Variants in MAMSTR observed in about 807,000 individuals in gnomAD.
The protein encoded by MAMSTR is MEF2 activating motif and SAP domain containing transcriptional regulator, also known as MEF2-activating motif and SAP domain-containing transcriptional regulator.
MAMSTR carries 41 observed loss-of-function variants against 42.7 expected under a neutral mutation model. The ratio of observed to expected loss-of-function variants is 0.96; its 90% confidence interval spans 0.75 to 1.25. The LOEUF is 1.25. MAMSTR is among the 50% of genes most tolerant of loss of function. The pLI is 0.00. For missense variants in MAMSTR, 567 were observed against 557.6 expected (o/e 1.02, Z -0.17); for synonymous variants, 265 against 244.1 (o/e 1.09, Z -0.80).
rs765001875 is a variant in MAMSTR at position 48,713,268 on chromosome 19, C to G, written c.1247G>C (p.Ter416SerextTer11). 1 of 1,586,866 alleles carries G rather than the reference C, an allele frequency of 6.3e-7. No individual in the cohort carries two copies. Among genetic ancestry groups the G allele is most frequent in the African/African-American group, 1.4e-5 (1 of 72,956 alleles). ...RLWDLLEDPW[*>S] ...TGTCTCTGTAAATCCTAGAATCCAT[C>G]ACCATGGATCCTCCAGCAGGTCCCA... Residue 416 changes from the stop codon to serine, a stop_lost, in exon 10 of 10, where the codon TGA (stop) becomes TCA (serine). Transcript: ENST00000318083.
In MAMSTR at chr19:48,717,534, C is replaced by CT. The variant is rs34694985; in HGVS notation, c.59-792dup. On this transcript the variant is annotated intron_variant, in intron 2 of 9. Coordinates refer to ENST00000318083, the MANE Select transcript of MAMSTR (RefSeq NM_001130915.2). Reference sequence around the variant, plus strand: ...GTTGCCCAGGATGAATGTTAACTATCTTTTTTTTTTTTTTTTTTGAGACAA... The same window carrying CT: ...GTTGCCCAGGATGAATGTTAACTATCTTTTTTTTTTTTTTTTTTTGAGACAA... Among the ~76,000 whole-genome samples the CT allele has an allele frequency of 7.3e-3, 929 of 126,598 alleles. 8 individuals carry two copies. The highest frequency in any genetic ancestry group is 0.02 in the African/African-American group (668 of 34,178). 83.1% of individuals were successfully genotyped at this position (126,598 alleles called of 152,430 possible).
chr19:48,713,132 A>G lies in MAMSTR; in HGVS notation c.*135T>C, dbSNP rs2032782509. The G allele has an allele frequency of 1.3e-6, 1 of 791,574 alleles. No individual in the cohort carries two copies. Among genetic ancestry groups the G allele is most frequent in the Admixed American group, 3.4e-5 (1 of 29,688 alleles). The allele number at this position is 791,574 out of a possible 1,614,324, so 49.0% of individuals were successfully genotyped here. On this transcript the variant is annotated 3_prime_UTR_variant, in exon 10 of 10. Coordinates refer to ENST00000318083, the MANE Select transcript of MAMSTR (RefSeq NM_001130915.2). Reference sequence around the variant, plus strand: ...AGTTGCATGTCAGCAGCACTTCAGGAGGCAGGTGGGGTTGGAGGTTGTCTC... The same window carrying G: ...AGTTGCATGTCAGCAGCACTTCAGGGGGCAGGTGGGGTTGGAGGTTGTCTC...
chr19:48,714,527 C>G lies in MAMSTR; in HGVS notation c.562G>C (p.Gly188Arg), dbSNP rs1305683570. The change falls in exon 7 of 10, where the codon GGC (glycine) becomes CGC (arginine). Residue 188 changes from glycine (G) to arginine (R), a missense_variant. Physicochemically the swap from Gly to Arg is moderately radical, Grantham distance 125. Coordinates refer to ENST00000318083, the MANE Select transcript of MAMSTR (RefSeq NM_001130915.2). ...GACTTGGTCCCCGACACTGGGAGGCCCCGCAGGCGCAGCTGCTGCCGGAGC... is the reference window on the plus strand; with the variant it reads ...GACTTGGTCCCCGACACTGGGAGGCGCCGCAGGCGCAGCTGCTGCCGGAGC... ...SELRQQLRLR[G>R]LPVSGTKSML... 2 of 1,454,736 alleles carry G rather than the reference C, an allele frequency of 1.4e-6. No individual in the cohort carries two copies. The highest frequency in any genetic ancestry group is 1.8e-6 in the Non-Finnish European group (2 of 1,116,018). 90.1% of individuals were successfully genotyped at this position (1,454,736 alleles called of 1,614,324 possible).
chr19:48,715,545 G>T (rs969599234), intron 4 of MAMSTR, 80 bp downstream of exon 4: 18 of 1,483,064 alleles, frequency 1.2e-5, no homozygotes, highest in Non-Finnish European at 1.5e-5. Context: ...TGCCACCGAA[G>T]AGGAGCAAAA....
the MAMSTR span, among the ~76,000 whole-genome samples, chr19:48,706,264 A>G: frequency 8.3e-5 from 12 of 145,170 alleles, no homozygotes; most frequent in Non-Finnish European, 1.7e-4. Flanking sequence ...TCTAGCCTGG[A>G]CAACAGAGTG....
At chr19:48,710,271 A>ATT (rs148688671), downstream of MAMSTR, among the ~76,000 whole-genome samples, 335 of 144,918 alleles carry the variant, frequency 2.3e-3, 4 homozygotes, top group Middle Eastern at 3.7e-3. Context: ...CACCTGGCTA[A>ATT]TTATTTTTTT....
rs1601250900 is a variant in MAMSTR, at chr19:48,714,927, G to A, written c.426-19C>T. ...CTTCATCCTGGTGATAATCGTGAGG[G>A]GCGAACAAAGGTTAGAGAGGTAGAG... is the stretch of plus-strand genomic sequence containing the variant. On this transcript the variant is annotated intron_variant, in intron 5 of 9. Transcript: ENST00000318083. The A allele has an allele frequency of 6.6e-7, 1 of 1,519,956 alleles. No homozygotes were observed. 94.2% of individuals were successfully genotyped at this position (1,519,956 alleles called of 1,614,324 possible). A position where few individuals can be genotyped will look rare whatever the true frequency, so the allele number is the denominator to read the frequency against.
chr19:48,708,284 AAGG>A (rs906632023), downstream of MAMSTR, among the ~76,000 whole-genome samples: 3 of 150,214 alleles, frequency 2.0e-5, no homozygotes, highest in African/African-American at 4.9e-5. Context: ...AAAAGAGAGG[AAGG>A]AGGAGGAGAA....
At chr19:48,706,773 C>G in the MAMSTR span, among the ~76,000 whole-genome samples, 2 of 152,112 alleles carry the variant, frequency 1.3e-5, no homozygotes, top group Middle Eastern at 6.8e-3. Context: ...TCCCTGCTCT[C>G]AAGACGGCAT....
chr19:48,705,822 G>A, the MAMSTR span: 1 of 166,274 alleles, frequency 6.0e-6, no homozygotes, highest in African/African-American at 2.4e-5. Flanking sequence ...GATGCCAGGA[G>A]TTAGGGAATA....
At position 48,713,851 on chromosome 19, in the gene MAMSTR, C is replaced by T. The variant is rs768253167; in HGVS notation, c.909+9G>A. Reference sequence around the variant, plus strand: ...GAACCCTAGCCGGATTCAACCCACACCCTCTTACCTGCGCCCTCCGGATCG... The same window carrying T: ...GAACCCTAGCCGGATTCAACCCACATCCTCTTACCTGCGCCCTCCGGATCG... On this transcript the variant is annotated intron_variant, in intron 8 of 9. Coordinates refer to ENST00000318083, the MANE Select transcript of MAMSTR (RefSeq NM_001130915.2). 1.9e-6 allele frequency: 3 copies of T among 1,613,948 alleles called. No individual in the cohort carries two copies. In the African/African-American group the frequency reaches 4.0e-5, roughly 22 times the overall value.
intron 2 of MAMSTR, among the ~76,000 whole-genome samples, 190 bp downstream of exon 2, chr19:48,718,784 A>C (rs2033146686): frequency 6.6e-6 from 1 of 151,988 alleles, no homozygotes; most frequent in African/African-American, 2.4e-5. Context: ...CCCCGTGAGC[A>C]TGCTACTAGC....
At chr19:48,711,031 G>A (rs2032716341), downstream of MAMSTR, among the ~76,000 whole-genome samples, 2 of 152,140 alleles carry the variant, frequency 1.3e-5, no homozygotes, top group Non-Finnish European at 1.5e-5. Flanking sequence ...ACTAGGGGTG[G>A]TATAGTGGCA....
chr19:48,716,847 T>C, intron 2 of MAMSTR, 104 bp from the exon 3 acceptor site: 13 of 1,251,098 alleles, frequency 1.0e-5, no homozygotes, highest in Non-Finnish European at 1.3e-5. Flanking sequence ...GGGATATGCG[T>C]GCCCAGCCCC....
In MAMSTR at chr19:48,715,706, C is replaced by T. The variant is rs1479345961; in HGVS notation, c.159G>A (p.Ser53=). The change falls in exon 4 of 10, where the codon TCG becomes TCA. Residue 53 remains serine, a synonymous_variant. Transcript: ENST00000318083. The stretch of plus-strand genomic sequence containing the variant: ...GGCTGAAGAGGAAAGGGGCCGTGCC[C>T]GAGGGCAAGGCCGGGGCCAGAGGAG... ...SDPPLAPALP[S]GTAPFLFSPG... The T allele has an allele frequency of 1.2e-5, 19 of 1,539,330 alleles. No individual in the cohort carries two copies. Among genetic ancestry groups the T allele is most frequent in the African/African-American group, 1.4e-5 (1 of 71,900 alleles).
chr19:48,718,547 C>A (rs1475891201), intron 2 of MAMSTR, among the ~76,000 whole-genome samples: 1 of 152,068 alleles, frequency 6.6e-6, no homozygotes, highest in Non-Finnish European at 1.5e-5. Flanking sequence ...GCCACCACAC[C>A]CGGCTATACT....
chr19:48,717,179 T>G (rs570031030), intron 2 of MAMSTR, among the ~76,000 whole-genome samples: 2 of 152,300 alleles, frequency 1.3e-5, no homozygotes, highest in African/African-American at 4.8e-5. Context: ...TATCCACATT[T>G]TCAGTATGCA....
In MAMSTR at chr19:48,719,402, AG is replaced by A. The variant is rs2033169374; in HGVS notation, c.-22+276del. ...TGGGACCCCTGTGTCTAGGAAAGGG[AG>A]GAAGCAGAGGGGCCTGGAGTCTGGA... On this transcript the variant is annotated intron_variant, in intron 1 of 9. Coordinates refer to ENST00000318083, the MANE Select transcript of MAMSTR (RefSeq NM_001130915.2). This position sits in a 1 kb window ranked among gnomAD's most constrained non-coding sequence, Gnocchi z 4.4. Among the ~76,000 whole-genome samples, 1 of 152,034 alleles carries A rather than the reference AG, an allele frequency of 6.6e-6. No individual in the cohort carries two copies. Among genetic ancestry groups the A allele is most frequent in the African/African-American group, 2.4e-5 (1 of 41,402 alleles).
intron 8 of MAMSTR, 28 bp downstream of exon 8, chr19:48,713,832 T>C (rs1373383253): frequency 3.1e-6 from 5 of 1,614,068 alleles, no homozygotes; most frequent in Non-Finnish European, 3.4e-6. Flanking sequence ...TGGAGAACCC[T>C]AGCCGGATTC....
Sources: gnomAD v4.1 joint callset for allele counts (sites outside exome capture counted in the v4.1 genomes callset) on GRCh38, gnomAD v4.1.1 for gene constraint, Gnocchi (gnomAD v3.1) non-coding constraint, MANE v1.5 for transcripts, NCBI Gene and HGNC (gene_info 2026-07-23, HGNC 2026-07-21) for gene names.